Variants in KIAA0513 observed in about 807,000 individuals in gnomAD.
The protein encoded by KIAA0513 is uncharacterized protein KIAA0513.
In KIAA0513, 39 loss-of-function variants were observed where a neutral mutation model predicts 56.5. That is an observed-to-expected ratio of 0.69 (90% CI 0.53 to 0.90). The LOEUF is 0.90. KIAA0513 is among the 40% of genes least tolerant of loss of function. The pLI, the probability that KIAA0513 is intolerant of heterozygous loss-of-function variation, is 0.00. For synonymous variants in KIAA0513, 268 were observed against 215.6 expected (o/e 1.24, Z -2.13); for missense variants, 591 against 535.2 (o/e 1.10, Z -1.03).
At position 85,070,087 on chromosome 16, in the gene KIAA0513, A is replaced by G. The variant is rs141840143; in HGVS notation, c.330-1696A>G. ...TCAGGAGGCTGAGGTTGGGGGATCA[A>G]TTGAGCCAGGGAGGCTTAGGTTGCA... On this transcript the variant is annotated intron_variant, in intron 2 of 12. Transcript: ENST00000683363. 2.9e-3 allele frequency among the ~76,000 whole-genome samples: 436 copies of G among 151,652 alleles called. 3 individuals are homozygous for G. Among genetic ancestry groups the G allele is most frequent in the African/African-American group, 9.2e-3 (382 of 41,324 alleles).
chr16:85,081,332 G>A lies in KIAA0513; in HGVS notation c.920G>A (p.Trp307Ter). The change falls in exon 9 of 13, where the codon TGG (tryptophan) becomes TAG (stop). Residue 307 changes from tryptophan (W) to a stop codon, truncating the protein, a stop_gained. Coordinates refer to ENST00000683363, the MANE Select transcript of KIAA0513 (RefSeq NM_001388359.1). LOFTEE classifies it high-confidence loss of function. The surrounding 1 kb of genome is among the most constrained non-coding windows in gnomAD (Gnocchi z 4.4). ...TCTTGCAGGCACACTCTGAGGTTCT[G>A]GAATGCAGCCTTTTTTGACGCTGTC... ...QQPIWHTLRF[W>*]NAAFFDAVHC... is the part of the protein sequence containing the mutation. 6.2e-7 allele frequency: 1 copy of A among 1,610,140 alleles called. No individual in the cohort carries two copies. The highest frequency in any genetic ancestry group is 8.5e-7 in the Non-Finnish European group (1 of 1,178,260).
Position 85,067,400 on chromosome 16 carries a change from G to C in KIAA0513, c.329G>C (p.Gly110Ala). The C allele has an allele frequency of 1.3e-6, 2 of 1,596,388 alleles. No individual in the cohort carries two copies. Among genetic ancestry groups the C allele is most frequent in the South Asian group, 1.1e-5 (1 of 90,414 alleles). Residue 110 changes from glycine to alanine, a missense_variant and splice_region_variant, in exon 2 of 13, where the codon GGG becomes GCG. By Grantham distance (60) the Gly-to-Ala change is moderately conservative. Coordinates refer to ENST00000683363, the MANE Select transcript of KIAA0513 (RefSeq NM_001388359.1). ...RGYVEKIFSG[G>A]EDLDQEEKAK... ...TACGTGGAGAAGATCTTCTCTGGAG[G>C]GTAAGGGGCCTGTGTGGACGAGACA...
chr16:85,043,377 G>C (rs1000942180), intron 1 of KIAA0513, among the ~76,000 whole-genome samples: 1 of 151,568 alleles, frequency 6.6e-6, no homozygotes, highest in Non-Finnish European at 1.5e-5. Flanking sequence ...GAGATGGCAG[G>C]GTTTGGAGCC....
chr16:85,054,421 C>CTTTTTTTTTTTTTTTTTTTTTTTTTTTTT (rs398042273), intron 1 of KIAA0513, among the ~76,000 whole-genome samples: 1 of 119,554 alleles, frequency 8.4e-6, no homozygotes, highest in Non-Finnish European at 1.7e-5. Context: ...TTTTTCTTTT[C>CTTTTTTTTTTTTTTTTTTTTTTTTTTTTT]TTTTTTTTTT....
intron 1 of KIAA0513, among the ~76,000 whole-genome samples, chr16:85,045,959 G>A (rs1249374976): frequency 6.6e-6 from 1 of 152,144 alleles, no homozygotes; most frequent in Non-Finnish European, 1.5e-5. Context: ...AGCCGACAAT[G>A]TGCATCTCAA....
chr16:85,062,446 G>A (rs933150776), intron 1 of KIAA0513, among the ~76,000 whole-genome samples: 11 of 152,172 alleles, frequency 7.2e-5, no homozygotes, highest in Admixed American at 1.3e-4. Context: ...AAGTGTAACC[G>A]CAGGGGGGTT....
At position 85,067,215 on chromosome 16, in the gene KIAA0513, T is replaced by G. The variant is rs1311452069; in HGVS notation, c.144T>G (p.Thr48=). The G allele has an allele frequency of 6.2e-7, 1 of 1,614,166 alleles. No individual in the cohort carries two copies. Among genetic ancestry groups the G allele is most frequent in the Non-Finnish European group, 8.5e-7 (1 of 1,180,004 alleles). The change falls in exon 2 of 13, where the codon ACT becomes ACG. Residue 48 remains threonine (T), a synonymous_variant. Coordinates refer to ENST00000683363, the MANE Select transcript of KIAA0513 (RefSeq NM_001388359.1). ...LGDGASESET[T]ESADSENDMG... ...ACGGTGCATCAGAGAGTGAGACCAC[T>G]GAGTCTGCGGACAGTGAGAATGACA...
At position 85,038,724 on chromosome 16, in the gene KIAA0513, T is replaced by TA. The variant is rs1413463547; in HGVS notation, c.-173+10868dup. On this transcript the variant is annotated intron_variant, in intron 1 of 12. Transcript: ENST00000683363. The stretch of plus-strand genomic sequence containing the variant: ...CTCAGCCTCAAAAAAAAAAAAAAAA[T>TA]AATAATAATAATATCTTTGTTGATA... 4.0e-3 allele frequency among the ~76,000 whole-genome samples: 481 copies of TA among 120,084 alleles called. 16 individuals are homozygous for TA. The highest frequency in any genetic ancestry group is 0.017 in the African/African-American group (454 of 26,300). The allele number at this position is 120,084 out of a possible 152,430, so 78.8% of individuals were successfully genotyped here. A position where few individuals can be genotyped will look rare whatever the true frequency, so the allele number is the denominator to read the frequency against.
intron 1 of KIAA0513, among the ~76,000 whole-genome samples, chr16:85,052,934 A>G (rs1285866744): frequency 6.6e-6 from 1 of 152,122 alleles, no homozygotes; most frequent in African/African-American, 2.4e-5. Flanking sequence ...TCTGTCACCC[A>G]GGCTGGAGTG....
chr16:85,071,730 G>C, intron 2 of KIAA0513, 53 bp from the exon 3 acceptor site: 1 of 1,405,300 alleles, frequency 7.1e-7, no homozygotes, highest in Non-Finnish European at 9.8e-7. Flanking sequence ...TTGCTCCAGG[G>C]GATTGAAAAG....
chr16:85,054,421 C>CT (rs398042273), intron 1 of KIAA0513, among the ~76,000 whole-genome samples: 4,481 of 119,542 alleles, frequency 0.037, 122 homozygotes, highest in East Asian at 0.13. Flanking sequence ...TTTTTCTTTT[C>CT]TTTTTTTTTT....
At chr16:85,087,651 C>T (rs1188839493) in intron 12 of KIAA0513, among the ~76,000 whole-genome samples, 1 of 152,218 alleles carries the variant, frequency 6.6e-6, no homozygotes, top group African/African-American at 2.4e-5. Flanking sequence ...GTGACATTGG[C>T]GCCCCCCTTG....
chr16:85,039,585 TG>T lies in KIAA0513; in HGVS notation c.-173+11730del, dbSNP rs1378928038. Among the ~76,000 whole-genome samples the T allele has an allele frequency of 2.0e-5, 3 of 152,330 alleles. No individual in the cohort carries two copies. The East Asian group carries it at 5.8e-4, about 29-fold the overall frequency. On this transcript the variant is annotated intron_variant, in intron 1 of 12. Coordinates refer to ENST00000683363, the MANE Select transcript of KIAA0513 (RefSeq NM_001388359.1). ...TCCTGAGTAACTGGGACTACAGACT[TG>T]GGAATACTCCTGAGTAACTGGGACT...
chr16:85,080,135 A>G (rs1486488081), intron 8 of KIAA0513, among the ~76,000 whole-genome samples: 1 of 151,470 alleles, frequency 6.6e-6, no homozygotes, highest in African/African-American at 2.4e-5. Context: ...CGGAGCTGTC[A>G]GGAAGGCCCT....
intron 1 of KIAA0513, among the ~76,000 whole-genome samples, chr16:85,040,307 T>C (rs1437818577): frequency 6.6e-6 from 1 of 152,122 alleles, no homozygotes; most frequent in Admixed American, 6.5e-5. Flanking sequence ...CATCCTATAG[T>C]GCAAGGACAG....
intron 1 of KIAA0513, among the ~76,000 whole-genome samples, chr16:85,055,803 C>G (rs545075950): frequency 6.6e-6 from 1 of 152,342 alleles, no homozygotes; most frequent in South Asian, 2.1e-4. Flanking sequence ...AATCGTGATT[C>G]AGAGAGTTCC....
chr16:85,058,175 C>G (rs1189799703), intron 1 of KIAA0513, among the ~76,000 whole-genome samples: 1 of 152,218 alleles, frequency 6.6e-6, no homozygotes, highest in African/African-American at 2.4e-5. Flanking sequence ...TGGTCTGACA[C>G]TTGTCAAAAG....
chr16:85,060,063 C>T (rs1046444201), intron 1 of KIAA0513, among the ~76,000 whole-genome samples: 16 of 152,198 alleles, frequency 1.1e-4, no homozygotes, highest in African/African-American at 3.9e-4. Context: ...CGGGCTCAAG[C>T]GATCCTCATG....
At chr16:85,059,758 G>A (rs897367630) in intron 1 of KIAA0513, among the ~76,000 whole-genome samples, 4 of 152,176 alleles carry the variant, frequency 2.6e-5, no homozygotes, top group Non-Finnish European at 4.4e-5. Context: ...GCACGGCCAG[G>A]GAAGATCTTC....
Sources: allele counts gnomAD v4.1 joint callset (sites outside exome capture counted in the v4.1 genomes callset), GRCh38; gene constraint gnomAD v4.1.1; non-coding constraint Gnocchi (gnomAD v3.1); transcripts MANE v1.5; gene names NCBI Gene and HGNC (gene_info 2026-07-23, HGNC 2026-07-21).